CDH12: variants seen among roughly 807,000 people sequenced by gnomAD.
The protein encoded by CDH12 is cadherin-12.
In CDH12, 41 loss-of-function variants were observed where a neutral mutation model predicts 74.1. That is an observed-to-expected ratio of 0.55 (90% CI 0.43 to 0.72). CDH12 has a LOEUF of 0.72. Among genes scored for constraint, CDH12 ranks in the 30% least tolerant of loss-of-function variants. The pLI is 0.00. For missense variants in CDH12, 945 were observed against 977.2 expected, an observed-to-expected ratio of 0.97 and a Z score of 0.44; for synonymous variants, 399 against 355.0, an observed-to-expected ratio of 1.12 and a Z score of -1.39.
intron 1 of CDH12, among the ~76,000 whole-genome samples, chr5:22,644,039 AAC>A: frequency 6.6e-6 from 1 of 152,004 alleles, no homozygotes. Context: ...TCCCTGTTCT[AAC>A]CACAAGCCAT....
intron 6 of CDH12, among the ~76,000 whole-genome samples, chr5:21,891,993 C>T (rs928281463): frequency 1.3e-5 from 2 of 152,112 alleles, no homozygotes; most frequent in South Asian, 2.1e-4. Flanking sequence ...CAATACTGTG[C>T]TGAGAATTTT....
chr5:21,878,925 AAAAGAAAG>A (rs58667501), intron 6 of CDH12, among the ~76,000 whole-genome samples: 11 of 148,758 alleles, frequency 7.4e-5, no homozygotes, highest in Admixed American at 7.4e-4. Flanking sequence ...GGAAGAAAGA[AAAAGAAAG>A]AAAGAAAGGA....
intron 3 of CDH12, chr5:22,213,585 T>G (rs1489207994): frequency 6.6e-6 from 1 of 152,210 alleles, no homozygotes; most frequent in East Asian, 1.9e-4. Context: ...ATCCGCTCTT[T>G]CTGCCACTGA....
intron 1 of CDH12, among the ~76,000 whole-genome samples, chr5:22,746,556 A>T (rs1207260006): frequency 1.3e-5 from 2 of 152,326 alleles, no homozygotes; most frequent in Admixed American, 1.3e-4. Context: ...GTTAGACATT[A>T]CAGGCATGCA....
At chr5:22,152,570 A>G (rs933424230) in intron 4 of CDH12, among the ~76,000 whole-genome samples, 1 of 152,200 alleles carries the variant, frequency 6.6e-6, no homozygotes, top group Non-Finnish European at 1.5e-5. Flanking sequence ...TACATTCTGG[A>G]ATGACTAAAT....
At chr5:22,656,475 G>A (rs1740041360) in intron 1 of CDH12, among the ~76,000 whole-genome samples, 1 of 152,194 alleles carries the variant, frequency 6.6e-6, no homozygotes, top group Non-Finnish European at 1.5e-5. Flanking sequence ...AGATATCACT[G>A]TATGAGCATA....
chr5:22,377,686 T>C (rs1214243694), intron 3 of CDH12, among the ~76,000 whole-genome samples: 1 of 152,212 alleles, frequency 6.6e-6, no homozygotes, highest in Non-Finnish European at 1.5e-5. Flanking sequence ...ATTTCCAGTT[T>C]AATTCTGTCA....
chr5:21,802,158 T>C lies in CDH12; in HGVS notation c.1256+9A>G, dbSNP rs779361704. The C allele has an allele frequency of 3.8e-6, 6 of 1,588,542 alleles. No homozygotes were observed. Among genetic ancestry groups the C allele is most frequent in the Non-Finnish European group, 4.3e-6 (5 of 1,166,120 alleles). ...TGAAACATAGAAAAAAAATGTTTCT[T>C]TTTCTCACCTAACAGCACTGCTGCC... On this transcript the variant is annotated intron_variant, in intron 10 of 14. Transcript: ENST00000382254.
intron 1 of CDH12, among the ~76,000 whole-genome samples, chr5:22,589,969 C>T (rs528779433): frequency 8.5e-5 from 13 of 152,204 alleles, no homozygotes; most frequent in Middle Eastern, 3.4e-3. Context: ...ATTTACCATA[C>T]GCTTCATTAT....
chr5:22,428,202 T>C (rs1168211540), intron 2 of CDH12, among the ~76,000 whole-genome samples: 2 of 31,596 alleles, frequency 6.3e-5, no homozygotes, highest in African/African-American at 4.4e-4. Context: ...TATGTATATA[T>C]ATATACACAC....
intron 3 of CDH12, among the ~76,000 whole-genome samples, chr5:22,316,266 T>A (rs1037461592): frequency 6.6e-6 from 1 of 151,546 alleles, no homozygotes; most frequent in African/African-American, 2.4e-5. Context: ...ATTAAATAGC[T>A]CATAAACTCA....
At chr5:22,257,616 C>T (rs1049206028) in intron 3 of CDH12, among the ~76,000 whole-genome samples, 7 of 152,086 alleles carry the variant, frequency 4.6e-5, no homozygotes, top group Admixed American at 3.9e-4. Context: ...TCTCCTCCCT[C>T]AGCCTCCGGA....
chr5:22,337,405 T>C (rs1739642032), intron 3 of CDH12, among the ~76,000 whole-genome samples: 1 of 152,148 alleles, frequency 6.6e-6, no homozygotes, highest in South Asian at 2.1e-4. Context: ...TGGCCCTGTG[T>C]CTCCACCCAA....
intron 2 of CDH12, among the ~76,000 whole-genome samples, chr5:22,416,692 G>A (rs1743407785): frequency 6.6e-6 from 1 of 152,094 alleles, no homozygotes; most frequent in Admixed American, 6.6e-5. Context: ...CACTAGCCTG[G>A]CCACCCAAAG....
intron 9 of CDH12, among the ~76,000 whole-genome samples, chr5:21,805,295 C>G (rs1199708286): frequency 6.6e-6 from 1 of 152,016 alleles, no homozygotes; most frequent in Non-Finnish European, 1.5e-5. Flanking sequence ...TTACACACTA[C>G]TGTTATCTAG....
rs1006466362 is a variant in CDH12, at chr5:22,198,534, C to T, written c.-187+13964G>A. 7.9e-5 allele frequency among the ~76,000 whole-genome samples: 12 copies of T among 152,072 alleles called. 1 individual carries two copies. Among genetic ancestry groups the T allele is most frequent in the Admixed American group, 4.6e-4 (7 of 15,272 alleles). ...CTGCTGTTTAAAAGATACCTAGCAA[C>T]TGGAATGTTAAATTTGCTCTATTTG... is the stretch of plus-strand genomic sequence containing the variant. On this transcript the variant is annotated intron_variant, in intron 4 of 14. Transcript: ENST00000382254.
chr5:21,777,402 T>G (rs566441173), intron 11 of CDH12, among the ~76,000 whole-genome samples: 1 of 152,178 alleles, frequency 6.6e-6, no homozygotes, highest in Non-Finnish European at 1.5e-5. Context: ...TAAATATAGA[T>G]AGATAATAAA....
intron 8 of CDH12, among the ~76,000 whole-genome samples, chr5:21,825,769 G>A (rs1748636162): frequency 6.6e-6 from 1 of 152,156 alleles, no homozygotes; most frequent in Non-Finnish European, 1.5e-5. Flanking sequence ...GTTTTCTGAA[G>A]CACATCTCTT....
intron 13 of CDH12, among the ~76,000 whole-genome samples, chr5:21,758,451 C>T (rs912428871): frequency 2.0e-5 from 3 of 152,046 alleles, no homozygotes; most frequent in African/African-American, 7.3e-5. Context: ...ATCATCATCA[C>T]CATCTCAATA....
Sources: allele counts gnomAD v4.1 joint callset (sites outside exome capture counted in the v4.1 genomes callset), GRCh38; gene constraint gnomAD v4.1.1; transcripts MANE v1.5; gene names NCBI Gene and HGNC (gene_info 2026-07-23, HGNC 2026-07-21).